Variants in MECOM observed in about 807,000 individuals in gnomAD.
The protein encoded by MECOM is histone-lysine N-methyltransferase MECOM.
MECOM carries 13 observed loss-of-function variants against 116.3 expected under a neutral mutation model. The observed-to-expected ratio is 0.11, with a 90% CI of 0.07 to 0.18. The LOEUF is 0.18. Among genes scored for constraint, MECOM ranks in the 10% least tolerant of loss-of-function variants. MECOM has a pLI of 1.00. For synonymous variants in MECOM, 528 were observed against 535.2 expected, an observed-to-expected ratio of 0.99 and a Z score of 0.19; for missense variants, 1,299 against 1,509.0, an observed-to-expected ratio of 0.86 and a Z score of 2.31.
intron 1 of MECOM, among the ~76,000 whole-genome samples, chr3:169,655,467 G>A (rs554650447): frequency 6.6e-6 from 1 of 152,194 alleles, no homozygotes; most frequent in Non-Finnish European, 1.5e-5. Context: ...GATAACTAGA[G>A]AGTATGCAAA....
At position 169,115,539 on chromosome 3, in the gene MECOM, C is replaced by T; in HGVS notation, c.2333G>A (p.Gly778Asp). ...SQDQPLDLSM[G>D]SRSRASGTKL... ...TGTCCCACTGGCTCTACTCCTACTGCCCATACTTAGATCCAGGGGCTGGTC... is the reference window on the plus strand; with the variant it reads ...TGTCCCACTGGCTCTACTCCTACTGTCCATACTTAGATCCAGGGGCTGGTC... Residue 778 changes from glycine to aspartate, a missense_variant, in exon 8 of 17, where the codon GGC (glycine) becomes GAC (aspartate). By Grantham distance (94) the Gly-to-Asp change is moderately conservative (BLOSUM62 -1). This residue lies in a region of MECOM where 340 missense variants were observed against 312.6 expected (regional missense o/e 1.09). Coordinates refer to ENST00000651503, the MANE Select transcript of MECOM (RefSeq NM_004991.4). 6.2e-7 allele frequency: 1 copy of T among 1,614,132 alleles called. No homozygotes were observed. Among genetic ancestry groups the T allele is most frequent in the Admixed American group, 1.7e-5 (1 of 60,016 alleles).
intron 2 of MECOM, among the ~76,000 whole-genome samples, chr3:169,194,560 A>G (rs908271900): frequency 1.3e-5 from 2 of 152,056 alleles, no homozygotes; most frequent in Non-Finnish European, 2.9e-5. Flanking sequence ...TCATATAGGC[A>G]TGCATGACTA....
intron 2 of MECOM, among the ~76,000 whole-genome samples, chr3:169,374,543 G>C (rs1393825503): frequency 2.0e-5 from 3 of 151,900 alleles, no homozygotes; most frequent in African/African-American, 7.2e-5. Flanking sequence ...AAATAATCTG[G>C]ATACTACACA....
At chr3:169,476,253 C>T (rs1750354502) in intron 1 of MECOM, among the ~76,000 whole-genome samples, 1 of 152,158 alleles carries the variant, frequency 6.6e-6, no homozygotes, top group African/African-American at 2.4e-5. Flanking sequence ...TAATGTATTA[C>T]ACAATTAGAT....
chr3:169,260,925 TCGTATGTC>T (rs1389970173), intron 2 of MECOM, among the ~76,000 whole-genome samples: 2 of 152,252 alleles, frequency 1.3e-5, no homozygotes, highest in Non-Finnish European at 2.9e-5. Flanking sequence ...ATGGCATTTA[TCGTATGTC>T]AAAATTCAGT....
chr3:169,573,425 C>T (rs773180556), intron 1 of MECOM, among the ~76,000 whole-genome samples: 1 of 152,162 alleles, frequency 6.6e-6, no homozygotes, highest in Non-Finnish European at 1.5e-5. Context: ...ATATTGTAGG[C>T]TCCCGTGGGC....
intron 2 of MECOM, among the ~76,000 whole-genome samples, chr3:169,165,050 G>T (rs950105278): frequency 6.6e-6 from 1 of 152,180 alleles, no homozygotes; most frequent in Non-Finnish European, 1.5e-5. Context: ...TTATGAAAGT[G>T]AGTCTTAAGG....
intron 1 of MECOM, among the ~76,000 whole-genome samples, chr3:169,591,434 G>A (rs1766396185): frequency 6.6e-6 from 1 of 152,144 alleles, no homozygotes; most frequent in African/African-American, 2.4e-5. Flanking sequence ...GGAGAGTCGA[G>A]AGTCGGATGC....
At chr3:169,415,436 A>C (rs557802917) in intron 1 of MECOM, among the ~76,000 whole-genome samples, 2 of 152,344 alleles carry the variant, frequency 1.3e-5, no homozygotes, top group Admixed American at 6.5e-5. Context: ...AACAAACCAA[A>C]ATGTAAAGAT....
chr3:169,656,636 A>G (rs1402487430), intron 1 of MECOM, among the ~76,000 whole-genome samples: 1 of 152,204 alleles, frequency 6.6e-6, no homozygotes, highest in East Asian at 1.9e-4. Flanking sequence ...AGGTCATTGT[A>G]ATCTATTTTA....
intron 1 of MECOM, among the ~76,000 whole-genome samples, chr3:169,545,455 C>G (rs1053344399): frequency 6.6e-6 from 1 of 152,118 alleles, no homozygotes; most frequent in Non-Finnish European, 1.5e-5. Context: ...TATATGCAAG[C>G]CCTTATAAAG....
In MECOM at chr3:169,459,457, A is replaced by T. The variant is rs191422281; in HGVS notation, c.38-77933T>A. Among the ~76,000 whole-genome samples the T allele has an allele frequency of 1.3e-4, 20 of 152,308 alleles. No homozygotes were observed. The East Asian group carries it at 1.4e-3, about 10-fold the overall frequency. ...ACTAAAACAATATTAAGTTTGTCAC[A>T]CTTTCTTTACACTTTACCAAGTGTT... On this transcript the variant is annotated intron_variant, in intron 1 of 16. Coordinates refer to ENST00000651503, the MANE Select transcript of MECOM (RefSeq NM_004991.4).
intron 2 of MECOM, among the ~76,000 whole-genome samples, chr3:169,235,504 A>G (rs1181710805): frequency 6.6e-6 from 1 of 152,144 alleles, no homozygotes; most frequent in Non-Finnish European, 1.5e-5. Flanking sequence ...CACCTCTCAC[A>G]TATGAAAACG....
At chr3:169,413,192 AG>A (rs1175707173) in intron 1 of MECOM, among the ~76,000 whole-genome samples, 1 of 152,222 alleles carries the variant, frequency 6.6e-6, no homozygotes, top group Non-Finnish European at 1.5e-5. Context: ...CAGTGGTTGC[AG>A]CCCACAGAGG....
chr3:169,554,202 T>C (rs1306070257), intron 1 of MECOM, among the ~76,000 whole-genome samples: 1 of 152,126 alleles, frequency 6.6e-6, no homozygotes, highest in Non-Finnish European at 1.5e-5. Context: ...AGAAGCCTCA[T>C]GGTAAAAGTG....
rs1206386123 is a variant in MECOM, at chr3:169,325,752, C to T, written c.375+55435G>A. 2.0e-5 allele frequency among the ~76,000 whole-genome samples: 3 copies of T among 152,170 alleles called. No homozygotes were observed. In the South Asian group the frequency reaches 6.2e-4, roughly 32 times the overall value. On this transcript the variant is annotated intron_variant, in intron 2 of 16. Coordinates refer to ENST00000651503, the MANE Select transcript of MECOM (RefSeq NM_004991.4). ...CCCTTTAATAAAGGAAGTTAAATAA[C>T]TTTGAATGTTATTTATGATTGGGTC... is the stretch of plus-strand genomic sequence containing the variant.
At chr3:169,406,874 C>T (rs1215003754) in intron 1 of MECOM, among the ~76,000 whole-genome samples, 1 of 149,628 alleles carries the variant, frequency 6.7e-6, no homozygotes, top group Admixed American at 6.7e-5. Flanking sequence ...TGGAGTCTCA[C>T]TCTGTCACCC....
intron 13 of MECOM, among the ~76,000 whole-genome samples, chr3:169,094,632 G>T (rs1269398162): frequency 6.6e-6 from 1 of 152,146 alleles, no homozygotes; most frequent in Non-Finnish European, 1.5e-5. Flanking sequence ...ACCAAGAGAG[G>T]TTCTCTGAGC....
intron 1 of MECOM, chr3:169,470,199 T>G (rs1748977959): frequency 1.3e-5 from 2 of 152,156 alleles, no homozygotes; most frequent in South Asian, 4.1e-4. Context: ...AATTAGAAGG[T>G]AAGAGAGCAA....
Sources: gnomAD v4.1 joint callset for allele counts (sites outside exome capture counted in the v4.1 genomes callset) on GRCh38, gnomAD v4.1.1 for gene constraint, gnomAD v4.1.1 regional missense constraint, MANE v1.5 for transcripts, NCBI Gene and HGNC (gene_info 2026-07-23, HGNC 2026-07-21) for gene names.